PRKAG2: variants seen among roughly 807,000 people sequenced by gnomAD.
PRKAG2 encodes protein kinase AMP-activated non-catalytic subunit gamma 2.
Under a neutral mutation model 69.6 loss-of-function variants are expected in PRKAG2, and 26 were observed. That is an observed-to-expected ratio of 0.37 (90% CI 0.27 to 0.52). PRKAG2 has a LOEUF of 0.52. Among genes scored for constraint, PRKAG2 ranks in the 20% least tolerant of loss-of-function variants. PRKAG2 has a pLI of 0.90. For synonymous variants in PRKAG2, 293 were observed against 285.0 expected (o/e 1.03, Z -0.28); for missense variants, 557 against 740.0 (o/e 0.75, Z 2.87).
intron 1 of PRKAG2, among the ~76,000 whole-genome samples, chr7:151,797,468 T>G (rs529075396): frequency 2.6e-4 from 40 of 152,180 alleles, no homozygotes; most frequent in Non-Finnish European, 4.3e-4. Context: ...ACCTCATTTC[T>G]GCTCCCAAAC....
rs73479364 is a variant in PRKAG2, at chr7:151,617,509, T to C, written c.754+14560A>G. On this transcript the variant is annotated intron_variant, in intron 5 of 15. Transcript: ENST00000287878. ...TCTACCATTTCATATGTTTGGAAAT[T>C]TTCATAATACAATTTTGAAACAAAA... 1.7e-3 allele frequency among the ~76,000 whole-genome samples: 254 copies of C among 152,278 alleles called. 2 individuals carry two copies. In the Middle Eastern group the frequency reaches 0.017, roughly 10 times the overall value.
At chr7:151,607,890 G>T (rs12111965) in intron 5 of PRKAG2, among the ~76,000 whole-genome samples, 5,349 of 152,196 alleles carry the variant, frequency 0.035, 306 homozygotes, top group African/African-American at 0.12. Flanking sequence ...CAAAAAGACA[G>T]GTCCACTGGA....
rs543581671 is a variant in PRKAG2 at position 151,859,288 on chromosome 7, G to T, written c.114+17219C>A. Among the ~76,000 whole-genome samples, 10 of 152,382 alleles carry T rather than the reference G, an allele frequency of 6.6e-5. No individual in the cohort carries two copies. The East Asian group carries it at 1.7e-3, about 26-fold the overall frequency. ...GGGCGGGGCGAGGTGAGGCCCGCAAGCCAGTCCCTGCTGCACACGGTAGCG... is the reference window on the plus strand; with the variant it reads ...GGGCGGGGCGAGGTGAGGCCCGCAATCCAGTCCCTGCTGCACACGGTAGCG... On this transcript the variant is annotated intron_variant, in intron 1 of 15. Coordinates refer to ENST00000287878, the MANE Select transcript of PRKAG2 (RefSeq NM_016203.4).
intron 12 of PRKAG2, 141 bp downstream of exon 12, chr7:151,565,579 C>T (rs1171280189): frequency 8.4e-7 from 1 of 1,196,636 alleles, no homozygotes. Flanking sequence ...TTTTACGATC[C>T]TGCGTGCCCC....
chr7:151,593,974 C>T (rs1813825192), intron 6 of PRKAG2, among the ~76,000 whole-genome samples: 1 of 152,170 alleles, frequency 6.6e-6, no homozygotes, highest in South Asian at 2.1e-4. Context: ...TCCAAGAGCC[C>T]GGGGAGCCCT....
intron 3 of PRKAG2, among the ~76,000 whole-genome samples, chr7:151,728,448 G>A (rs551139662): frequency 1.2e-4 from 18 of 152,254 alleles, no homozygotes; most frequent in Admixed American, 7.8e-4. Context: ...CTCACAGGAT[G>A]GGGGTGACAG....
At chr7:151,584,482 A>G (rs1811188626) in intron 6 of PRKAG2, among the ~76,000 whole-genome samples, 1 of 152,234 alleles carries the variant, frequency 6.6e-6, no homozygotes, top group Non-Finnish European at 1.5e-5. Flanking sequence ...TAGGAAAAAA[A>G]AAATCTTCCA....
intron 4 of PRKAG2, among the ~76,000 whole-genome samples, chr7:151,654,971 A>G (rs1986813): frequency 0.3 from 46,071 of 152,154 alleles, 7,019 homozygotes; most frequent in Middle Eastern, 0.39. Flanking sequence ...GGGATTACAG[A>G]CATGAGCCAC....
intron 3 of PRKAG2, among the ~76,000 whole-genome samples, chr7:151,772,447 A>G (rs1293919736): frequency 6.6e-6 from 1 of 152,210 alleles, no homozygotes; most frequent in Admixed American, 6.5e-5. Context: ...TCTCTTAGAC[A>G]TTCTTCATTC....
intron 3 of PRKAG2, among the ~76,000 whole-genome samples, chr7:151,769,249 T>C (rs1011413561): frequency 6.6e-6 from 1 of 152,212 alleles, no homozygotes; most frequent in Non-Finnish European, 1.5e-5. Context: ...CAGTTGATGC[T>C]GTGGTTGTAG....
rs1341178558 is a variant in PRKAG2 at position 151,777,885 on chromosome 7, C to T, written c.466+3267G>A. On this transcript the variant is annotated intron_variant, in intron 3 of 15. Transcript: ENST00000287878. This position sits in a 1 kb window ranked among gnomAD's most constrained non-coding sequence, Gnocchi z 4.3. ...GATTATGGGAGGGGCCTGAACCGGG[C>T]TAACATGCAGGTGTAGTTTCTATGA... is the stretch of plus-strand genomic sequence containing the variant. Among the ~76,000 whole-genome samples, 1 of 152,170 alleles carries T rather than the reference C, an allele frequency of 6.6e-6. No homozygotes were observed. The highest frequency in any genetic ancestry group is 6.5e-5 in the Admixed American group (1 of 15,276).
intron 4 of PRKAG2, among the ~76,000 whole-genome samples, chr7:151,640,505 C>T (rs1826493818): frequency 1.3e-5 from 2 of 152,188 alleles, no homozygotes; most frequent in Non-Finnish European, 2.9e-5. Context: ...ATAGACCATA[C>T]ACTCCCTGCT....
chr7:151,867,263 G>C (rs1001015313), intron 1 of PRKAG2, among the ~76,000 whole-genome samples: 1 of 152,162 alleles, frequency 6.6e-6, no homozygotes, highest in African/African-American at 2.4e-5. Context: ...TAGGTTCCTG[G>C]GCTGTGATAA....
chr7:151,616,453 A>G (rs73730224), intron 5 of PRKAG2, among the ~76,000 whole-genome samples: 1,906 of 152,378 alleles, frequency 0.013, 28 homozygotes, highest in African/African-American at 0.043. Context: ...GCTCCCACTC[A>G]GACGGACAGA....
intron 1 of PRKAG2, among the ~76,000 whole-genome samples, chr7:151,839,965 G>A (rs1191417148): frequency 6.6e-6 from 1 of 152,182 alleles, no homozygotes; most frequent in Non-Finnish European, 1.5e-5. Flanking sequence ...GACAATTGGG[G>A]GCAGGGCTCA....
At chr7:151,650,607 G>A (rs1464626771) in intron 4 of PRKAG2, among the ~76,000 whole-genome samples, 3 of 152,212 alleles carry the variant, frequency 2.0e-5, no homozygotes, top group African/African-American at 7.2e-5. Context: ...GAGTCTACAG[G>A]TGGAAACTTT....
chr7:151,622,662 A>G (rs748702707), intron 5 of PRKAG2, among the ~76,000 whole-genome samples: 4 of 152,314 alleles, frequency 2.6e-5, no homozygotes, highest in Non-Finnish European at 4.4e-5. Context: ...CTTCATTTGT[A>G]AAATGGTGAC....
At chr7:151,683,915 C>A (rs1834269878) in intron 3 of PRKAG2, among the ~76,000 whole-genome samples, 1 of 152,194 alleles carries the variant, frequency 6.6e-6, no homozygotes. Context: ...TCTGTTTTCT[C>A]AAGGAGCAAA....
chr7:151,850,870 C>T lies in PRKAG2; in HGVS notation c.114+25637G>A, dbSNP rs567513617. The stretch of plus-strand genomic sequence containing the variant: ...AGTCACTGATGGTGTCACTGAAAGC[C>T]GAGTCTGACAACACGGAATAAGAAG... On this transcript the variant is annotated intron_variant, in intron 1 of 15. Coordinates refer to ENST00000287878, the MANE Select transcript of PRKAG2 (RefSeq NM_016203.4). The surrounding 1 kb of genome is among the most constrained non-coding windows in gnomAD (Gnocchi z 4.1). Among the ~76,000 whole-genome samples, 1 of 152,288 alleles carries T rather than the reference C, an allele frequency of 6.6e-6. No homozygotes were observed. Among genetic ancestry groups the T allele is most frequent in the South Asian group, 2.1e-4 (1 of 4,828 alleles).
Sources: gnomAD v4.1 joint callset for allele counts (sites outside exome capture counted in the v4.1 genomes callset) on GRCh38, gnomAD v4.1.1 for gene constraint, Gnocchi (gnomAD v3.1) non-coding constraint, MANE v1.5 for transcripts, NCBI Gene and HGNC (gene_info 2026-07-23, HGNC 2026-07-21) for gene names.